Variants in PTPN4 observed in about 807,000 individuals in gnomAD.
The protein encoded by PTPN4 is protein tyrosine phosphatase non-receptor type 4, also known as tyrosine-protein phosphatase non-receptor type 4.
A neutral mutation model predicts 135.5 loss-of-function variants in PTPN4; 49 were observed. That is an observed-to-expected ratio of 0.36 (90% CI 0.29 to 0.46). The LOEUF is 0.46. Ranked by LOEUF, PTPN4 falls within the 20% of genes least tolerant of loss-of-function variation. The probability of loss-of-function intolerance (pLI) is 1.00; values close to 1 mark genes in which losing one functional copy is unlikely to be tolerated. For missense variants in PTPN4, 860 were observed against 1,101.0 expected, an observed-to-expected ratio of 0.78 and a Z score of 3.10; for synonymous variants, 333 against 369.9, an observed-to-expected ratio of 0.90 and a Z score of 1.14.
At chr2:119,889,554 A>G (rs1678210727) in intron 9 of PTPN4, among the ~76,000 whole-genome samples, 1 of 151,770 alleles carries the variant, frequency 6.6e-6, no homozygotes, top group African/African-American at 2.4e-5. Flanking sequence ...AATTTTCTTT[A>G]TCTTTTTGAA....
At chr2:119,973,670 T>TTTG (rs1394707007) in intron 26 of PTPN4, among the ~76,000 whole-genome samples, 2 of 139,160 alleles carry the variant, frequency 1.4e-5, no homozygotes, top group Non-Finnish European at 3.1e-5. Flanking sequence ...TTTTTTTTTT[T>TTTG]TTTTTTTTTT....
At chr2:119,786,524 G>A (rs916097471) in intron 1 of PTPN4, among the ~76,000 whole-genome samples, 2 of 152,140 alleles carry the variant, frequency 1.3e-5, no homozygotes, top group Non-Finnish European at 2.9e-5. Flanking sequence ...ATTGGTGCTG[G>A]CTCTGAGCAG....
chr2:119,925,538 A>G (rs901627165), intron 12 of PTPN4, among the ~76,000 whole-genome samples: 2 of 152,180 alleles, frequency 1.3e-5, no homozygotes, highest in African/African-American at 4.8e-5. Context: ...AACTTATCCA[A>G]AGCACTTTTT....
chr2:119,890,272 C>CTTT (rs60831914), intron 9 of PTPN4, among the ~76,000 whole-genome samples: 48,079 of 147,426 alleles, frequency 0.33, 7,941 homozygotes, highest in African/African-American at 0.41. Context: ...CCTTCTTTGT[C>CTTT]TTTTTTTTTT....
intron 2 of PTPN4, among the ~76,000 whole-genome samples, chr2:119,835,969 T>C (rs572853823): frequency 5.1e-4 from 78 of 151,714 alleles, no homozygotes; most frequent in African/African-American, 1.9e-3. Flanking sequence ...CTTGGGAGGC[T>C]GAGGCAGGAG....
intron 2 of PTPN4, among the ~76,000 whole-genome samples, chr2:119,813,820 T>G (rs1428094479): frequency 6.6e-6 from 1 of 151,060 alleles, no homozygotes; most frequent in African/African-American, 2.5e-5. Context: ...TGCCTCTTCC[T>G]CATCACTTAC....
At chr2:119,919,296 T>C (rs2105028137) in intron 11 of PTPN4, among the ~76,000 whole-genome samples, 1 of 152,352 alleles carries the variant, frequency 6.6e-6, no homozygotes, top group East Asian at 1.9e-4. Context: ...AATTTTAAAT[T>C]TTGAATTATG....
chr2:119,807,048 G>A (rs770945970), intron 1 of PTPN4, among the ~76,000 whole-genome samples: 4 of 152,056 alleles, frequency 2.6e-5, no homozygotes, highest in Admixed American at 6.6e-5. Flanking sequence ...AAGACACAAC[G>A]TACCAGAATC....
At chr2:119,943,580 C>CTTTTTTTTTTTTTTTTTT (rs70949374) in intron 15 of PTPN4, among the ~76,000 whole-genome samples, 3 of 79,918 alleles carry the variant, frequency 3.8e-5, no homozygotes, top group African/African-American at 1.5e-4. Flanking sequence ...TCATTTTTTT[C>CTTTTTTTTTTTTTTTTTT]TTTTTTTTTT....
chr2:119,847,328 A>ATATATATATATAT (rs1257711116), intron 2 of PTPN4, among the ~76,000 whole-genome samples: 11 of 102,716 alleles, frequency 1.1e-4, no homozygotes, highest in Admixed American at 4.1e-4. Context: ...ATATATATAT[A>ATATATATATATAT]TTTTTTTTTT....
Position 119,775,096 on chromosome 2 carries a change from G to GA in PTPN4, c.-18+14741dup, listed in dbSNP as rs35234122. Among the ~76,000 whole-genome samples, 270 of 66,760 alleles carry GA rather than the reference G, an allele frequency of 4.0e-3. 26 individuals carry two copies. The highest frequency in any genetic ancestry group is 4.8e-3 in the Non-Finnish European group (175 of 36,366). 43.8% of individuals were successfully genotyped at this position (66,760 alleles called of 152,430 possible). ...AATGCAGATGAAGGTGCCCTATTCT[G>GA]AAAAAAAAAAAAAAAAAAAAAAAAA... On this transcript the variant is annotated intron_variant, in intron 1 of 26. Coordinates refer to ENST00000263708, the MANE Select transcript of PTPN4 (RefSeq NM_002830.4).
chr2:119,895,093 C>T (rs1439103614), intron 9 of PTPN4, among the ~76,000 whole-genome samples: 2 of 151,972 alleles, frequency 1.3e-5, no homozygotes, highest in East Asian at 1.9e-4. Context: ...TTGTTAATAG[C>T]GGTTATCTCT....
chr2:119,793,958 T>C (rs1691203982), intron 1 of PTPN4, among the ~76,000 whole-genome samples: 1 of 141,242 alleles, frequency 7.1e-6, no homozygotes, highest in Non-Finnish European at 1.5e-5. Context: ...TGGGTTCAAG[T>C]GATCCTCCTA....
chr2:119,855,153 A>T (rs1677658035), intron 2 of PTPN4, among the ~76,000 whole-genome samples: 1 of 152,130 alleles, frequency 6.6e-6, no homozygotes, highest in African/African-American at 2.4e-5. Flanking sequence ...TTTTTCTAAG[A>T]TGATGTTTTC....
At chr2:119,866,121 G>T (rs1677831487) in intron 3 of PTPN4, among the ~76,000 whole-genome samples, 1 of 151,994 alleles carries the variant, frequency 6.6e-6, no homozygotes, top group African/African-American at 2.4e-5. Context: ...AAATAATATT[G>T]TGGTTATAAT....
chr2:119,765,725 G>A (rs1422602107), intron 1 of PTPN4, among the ~76,000 whole-genome samples: 2 of 152,188 alleles, frequency 1.3e-5, no homozygotes, highest in Non-Finnish European at 2.9e-5. Flanking sequence ...ATAAGATCTG[G>A]GGAAAAGAAG....
chr2:119,885,119 TA>T (rs1678136418), intron 8 of PTPN4, among the ~76,000 whole-genome samples: 1 of 152,164 alleles, frequency 6.6e-6, no homozygotes, highest in African/African-American at 2.4e-5. Context: ...ATAGTCTTCT[TA>T]AACCATCTGT....
At chr2:119,892,155 C>G (rs1475198528) in intron 9 of PTPN4, among the ~76,000 whole-genome samples, 1 of 152,090 alleles carries the variant, frequency 6.6e-6, no homozygotes, top group Non-Finnish European at 1.5e-5. Context: ...CTATTTGATT[C>G]CATTGAAGTT....
rs138511343 is a variant in PTPN4 at position 119,834,849 on chromosome 2, A to G, written c.138+24858A>G. ...TTCATGATTAAATGAGTCAGTCCATATACACTGAACAACAGTGTCTGGCAA... is the reference window on the plus strand; with the variant it reads ...TTCATGATTAAATGAGTCAGTCCATGTACACTGAACAACAGTGTCTGGCAA... On this transcript the variant is annotated intron_variant, in intron 2 of 26. Coordinates refer to ENST00000263708, the MANE Select transcript of PTPN4 (RefSeq NM_002830.4). Among the ~76,000 whole-genome samples, 696 of 152,320 alleles carry G rather than the reference A, an allele frequency of 4.6e-3. 1 individual carries two copies. Among genetic ancestry groups the G allele is most frequent in the Non-Finnish European group, 6.0e-3 (409 of 68,026 alleles).
Sources: allele counts gnomAD v4.1 joint callset (sites outside exome capture counted in the v4.1 genomes callset), GRCh38; gene constraint gnomAD v4.1.1; transcripts MANE v1.5; gene names NCBI Gene and HGNC (gene_info 2026-07-23, HGNC 2026-07-21).